UNC5D: variants seen among roughly 807,000 people sequenced by gnomAD.
The protein encoded by UNC5D is netrin receptor UNC5D.
UNC5D carries 39 observed loss-of-function variants against 105.4 expected under a neutral mutation model. That is an observed-to-expected ratio of 0.37 (90% CI 0.29 to 0.48). The LOEUF is 0.48. Among genes scored for constraint, UNC5D ranks in the 20% least tolerant of loss-of-function variants. The pLI, the probability that UNC5D is intolerant of heterozygous loss-of-function variation, is 0.98. For synonymous variants in UNC5D, 452 were observed against 450.4 expected, an observed-to-expected ratio of 1.00 and a Z score of -0.04; for missense variants, 991 against 1,202.4, an observed-to-expected ratio of 0.82 and a Z score of 2.60.
At chr8:35,297,916 T>G (rs1260608865) in intron 1 of UNC5D, among the ~76,000 whole-genome samples, 1 of 152,276 alleles carries the variant, frequency 6.6e-6, no homozygotes, top group East Asian at 1.9e-4. Context: ...ATTGGGAGGT[T>G]TCTTTGGTGT....
intron 1 of UNC5D, among the ~76,000 whole-genome samples, chr8:35,406,249 A>G (rs568062032): frequency 6.6e-6 from 1 of 152,338 alleles, no homozygotes; most frequent in East Asian, 1.9e-4. Flanking sequence ...CCAAAAGATG[A>G]CAATACTTGG....
chr8:35,372,297 G>A (rs1409675496), intron 1 of UNC5D, among the ~76,000 whole-genome samples: 1 of 151,670 alleles, frequency 6.6e-6, no homozygotes, highest in Non-Finnish European at 1.5e-5. Context: ...TTACGTTTTT[G>A]TATTTTTGGT....
chr8:35,395,026 CTGTT>C (rs1329786376), intron 1 of UNC5D, among the ~76,000 whole-genome samples: 3 of 152,174 alleles, frequency 2.0e-5, no homozygotes, highest in Admixed American at 2.0e-4. Context: ...CTTTCTTTGG[CTGTT>C]TGTTTTTCCT....
At chr8:35,609,764 C>G (rs1384655681) in intron 4 of UNC5D, among the ~76,000 whole-genome samples, 2 of 152,164 alleles carry the variant, frequency 1.3e-5, no homozygotes, top group African/African-American at 2.4e-5. Context: ...CTCTCCATGC[C>G]ACCACTTGGT....
At chr8:35,626,193 CTT>C (rs751967469) in intron 4 of UNC5D, among the ~76,000 whole-genome samples, 10 of 137,148 alleles carry the variant, frequency 7.3e-5, no homozygotes, top group Non-Finnish European at 3.2e-5. Context: ...GCCACTCAGA[CTT>C]TTTTTTTTTT....
intron 4 of UNC5D, among the ~76,000 whole-genome samples, chr8:35,669,911 G>T (rs575069071): frequency 6.6e-6 from 1 of 152,148 alleles, no homozygotes; most frequent in Non-Finnish European, 1.5e-5. Flanking sequence ...GAGTACCAGA[G>T]TCTGTAGCAC....
chr8:35,323,963 C>A (rs1809949267), intron 1 of UNC5D, among the ~76,000 whole-genome samples: 1 of 152,022 alleles, frequency 6.6e-6, no homozygotes, highest in Admixed American at 6.6e-5. Flanking sequence ...GGTATGTTGG[C>A]TCATTCCTGT....
At chr8:35,760,848 C>T (rs558245732) in intron 14 of UNC5D, among the ~76,000 whole-genome samples, 4 of 151,972 alleles carry the variant, frequency 2.6e-5, no homozygotes, top group African/African-American at 9.6e-5. Flanking sequence ...AAAGAGAAAA[C>T]CTTGATTGCA....
chr8:35,480,952 T>TCCAAGTGGAGAAATG (rs1330639802), intron 1 of UNC5D, among the ~76,000 whole-genome samples: 5 of 152,106 alleles, frequency 3.3e-5, no homozygotes, highest in Non-Finnish European at 7.4e-5. Context: ...CAATTAGATC[T>TCCAAGTGGAGAAATG]CCAAGTGGAG....
intron 1 of UNC5D, among the ~76,000 whole-genome samples, chr8:35,544,784 G>C (rs375897293): frequency 1.3e-5 from 2 of 151,638 alleles, no homozygotes; most frequent in Non-Finnish European, 2.9e-5. Context: ...TGTATTTTTA[G>C]TAGAGACGGG....
At chr8:35,749,303 T>G (rs59424516) in intron 12 of UNC5D, among the ~76,000 whole-genome samples, 1 of 152,092 alleles carries the variant, frequency 6.6e-6, no homozygotes, top group Admixed American at 6.5e-5. Context: ...GGGAAGACAG[T>G]CACAGCAATG....
At chr8:35,238,364 C>T (rs1050669156) in intron 1 of UNC5D, among the ~76,000 whole-genome samples, 12 of 152,108 alleles carry the variant, frequency 7.9e-5, no homozygotes, top group African/African-American at 2.9e-4. Flanking sequence ...TTGTAGAGCC[C>T]AGTAGTGGCC....
chr8:35,389,738 T>TA lies in UNC5D; in HGVS notation c.103+153871dup, dbSNP rs5890808. The stretch of plus-strand genomic sequence containing the variant: ...CTGGAAGTTAATGTTCTGGCTGATT[T>TA]AAAAAAAAAAAAAAAAAAAAGTCTC... On this transcript the variant is annotated intron_variant, in intron 1 of 16. Transcript: ENST00000404895. Among the ~76,000 whole-genome samples the TA allele has an allele frequency of 3.2e-3, 410 of 126,514 alleles. 2 individuals carry two copies. Among genetic ancestry groups the TA allele is most frequent in the African/African-American group, 0.01 (352 of 33,738 alleles). The allele number at this position is 126,514 out of a possible 152,430, so 83.0% of individuals were successfully genotyped here.
chr8:35,726,582 T>C, intron 10 of UNC5D, 53 bp downstream of exon 10: 1 of 1,577,364 alleles, frequency 6.3e-7, no homozygotes, highest in Non-Finnish European at 8.6e-7. Flanking sequence ...TGTTTCATTT[T>C]TACACAGTTA....
intron 1 of UNC5D, among the ~76,000 whole-genome samples, chr8:35,270,127 T>A (rs1805176656): frequency 6.6e-6 from 1 of 152,158 alleles, no homozygotes; most frequent in Non-Finnish European, 1.5e-5. Flanking sequence ...GAACTTTTCT[T>A]TCCACCAGCC....
chr8:35,235,664 TG>T lies in UNC5D; in HGVS notation c.-119del. On this transcript the variant is annotated 5_prime_UTR_variant, in exon 1 of 17. Transcript: ENST00000404895. ...GCCCCGCTGCTTTAGGAAGCGATCG[TG>T]GAGCAGAGTCACTCTCTGAAGACTC... 2.7e-6 allele frequency: 2 copies of T among 730,566 alleles called. No homozygotes were observed. Among genetic ancestry groups the T allele is most frequent in the Non-Finnish European group, 3.8e-6 (2 of 532,564 alleles). The allele number at this position is 730,566 out of a possible 1,614,324, so 45.3% of individuals were successfully genotyped here.
chr8:35,461,578 C>G (rs776457929), intron 1 of UNC5D, among the ~76,000 whole-genome samples: 57 of 152,162 alleles, frequency 3.7e-4, no homozygotes, highest in Non-Finnish European at 6.0e-4. Context: ...CTATCCCACC[C>G]TTTGAATATT....
chr8:35,500,329 A>T (rs1811881641), intron 1 of UNC5D, among the ~76,000 whole-genome samples: 1 of 152,182 alleles, frequency 6.6e-6, no homozygotes, highest in African/African-American at 2.4e-5. Context: ...TTTATAGTAA[A>T]GCCACTCCCA....
chr8:35,380,222 G>GA (rs1802960946), intron 1 of UNC5D, among the ~76,000 whole-genome samples: 1 of 132,282 alleles, frequency 7.6e-6, no homozygotes, highest in African/African-American at 2.9e-5. Flanking sequence ...AGAGAGAGAG[G>GA]GAGAGAGAGA....
Sources: allele counts gnomAD v4.1 joint callset (sites outside exome capture counted in the v4.1 genomes callset), GRCh38; gene constraint gnomAD v4.1.1; transcripts MANE v1.5; gene names NCBI Gene and HGNC (gene_info 2026-07-23, HGNC 2026-07-21).